AHCY: variants seen among roughly 807,000 people sequenced by gnomAD.
AHCY encodes the protein S-adenosyl-L-homocysteine hydrolase.
In AHCY, 24 loss-of-function variants were observed where a neutral mutation model predicts 45.4. That is an observed-to-expected ratio of 0.53 (90% confidence interval 0.38 to 0.74). The LOEUF (loss-of-function observed/expected upper bound fraction) is 0.74. AHCY is among the 30% of genes least tolerant of loss of function. The pLI is 0.00. For missense variants in AHCY, 449 were observed against 594.1 expected, an observed-to-expected ratio of 0.76 and a Z score of 2.54; for synonymous variants, 245 against 235.1, an observed-to-expected ratio of 1.04 and a Z score of -0.39.
At chr20:34,286,086 C>T (rs998257064) in intron 8 of AHCY, 32 of 209,566 alleles carry the variant, frequency 1.5e-4, no homozygotes, top group Middle Eastern at 1.9e-3. Context: ...GCCTGGGCGA[C>T]GGAGCGAGAC....
At chr20:34,235,867 A>AGG in the AHCY span, among the ~76,000 whole-genome samples, 1 of 27,058 alleles carries the variant, frequency 3.7e-5, no homozygotes, top group East Asian at 1.2e-3. Context: ...GAAGGAAGGA[A>AGG]AGGAAGGAAG....
At chr20:34,301,209 G>A (rs1260942207) in intron 1 of AHCY, among the ~76,000 whole-genome samples, 1 of 152,154 alleles carries the variant, frequency 6.6e-6, no homozygotes, top group African/African-American at 2.4e-5. Flanking sequence ...CTAGAGCAGA[G>A]GCCCCTCTCA....
the AHCY span, among the ~76,000 whole-genome samples, chr20:34,247,020 T>A: frequency 1.3e-5 from 2 of 149,812 alleles, no homozygotes; most frequent in African/African-American, 2.5e-5. Context: ...TTAGACAGGG[T>A]CTCACTCTAT....
At position 34,295,431 on chromosome 20, in the gene AHCY, G is replaced by A. The variant is rs976564315; in HGVS notation, c.183C>T (p.Ala61=). ...AGCLHMTVET[A]VLIETLVTLG... ...GGGTGACGAGGGTCTCAATGAGGAC[G>A]GCCGTCTCCACGGTCATGTGCAGGC... The change falls in exon 2 of 10, where the codon GCC becomes GCT. Residue 61 remains alanine, a synonymous_variant. Transcript: ENST00000217426. The A allele has an allele frequency of 1.1e-5, 17 of 1,613,986 alleles. No individual in the cohort carries two copies. The highest frequency in any genetic ancestry group is 1.3e-5 in the African/African-American group (1 of 74,946).
intron 1 of AHCY, among the ~76,000 whole-genome samples, chr20:34,300,859 G>A (rs559508350): frequency 3.9e-5 from 6 of 152,320 alleles, no homozygotes; most frequent in Non-Finnish European, 5.9e-5. Flanking sequence ...CGTGGAGACA[G>A]ACAAGTGGCA....
the AHCY span, among the ~76,000 whole-genome samples, chr20:34,236,775 C>T: frequency 6.6e-6 from 1 of 152,140 alleles, no homozygotes; most frequent in South Asian, 2.1e-4. Context: ...TTTTGGGAAA[C>T]TCTAGATAAG....
intron 9 of AHCY, chr20:34,281,822 C>T (rs190639459): frequency 3.6e-4 from 58 of 159,750 alleles, no homozygotes; most frequent in Admixed American, 3.2e-3. Flanking sequence ...GCGTGCACCA[C>T]CACGTCCAGC....
At position 34,280,755 on chromosome 20, in the gene AHCY, G is replaced by A; in HGVS notation, c.*279C>T. 1 of 490,570 alleles carries A rather than the reference G, an allele frequency of 2.0e-6. No individual in the cohort carries two copies. The highest frequency in any genetic ancestry group is 3.7e-6 in the Non-Finnish European group (1 of 267,560). The allele number at this position is 490,570 out of a possible 1,614,324, so 30.4% of individuals were successfully genotyped here. On this transcript the variant is annotated 3_prime_UTR_variant, in exon 10 of 10. Coordinates refer to ENST00000217426, the MANE Select transcript of AHCY (RefSeq NM_000687.4). Reference sequence around the variant, plus strand: ...ACTACTGACTTCCAGGCTAAGGAAGGACTGACTTAGTGAGCTGTTCCAAGA... The same window carrying A: ...ACTACTGACTTCCAGGCTAAGGAAGAACTGACTTAGTGAGCTGTTCCAAGA...
chr20:34,301,916 T>C, intron 1 of AHCY: 1 of 985,460 alleles, frequency 1.0e-6, no homozygotes, highest in Non-Finnish European at 1.2e-6. Flanking sequence ...AAGATTATTG[T>C]GTAAACACAC....
chr20:34,278,217 G>A (rs2035926337), downstream of AHCY, among the ~76,000 whole-genome samples: 1 of 152,158 alleles, frequency 6.6e-6, no homozygotes, highest in African/African-American at 2.4e-5. Context: ...GAGGGGCTGT[G>A]TTTTCTGAAA....
downstream of AHCY, among the ~76,000 whole-genome samples, chr20:34,277,388 T>C (rs2035917733): frequency 6.6e-6 from 1 of 152,262 alleles, no homozygotes; most frequent in East Asian, 1.9e-4. Flanking sequence ...ATGACTTCTC[T>C]AATTTTCTAA....
chr20:34,235,881 G>T, the AHCY span, among the ~76,000 whole-genome samples: 1 of 98,596 alleles, frequency 1.0e-5, no homozygotes, highest in African/African-American at 5.5e-5. Flanking sequence ...AAGGAAGGAA[G>T]GAAGGAAGGA....
chr20:34,295,615 G>T (rs1041651070), intron 1 of AHCY, 30 bp from the exon 2 acceptor site: 2 of 1,608,640 alleles, frequency 1.2e-6, no homozygotes, highest in Non-Finnish European at 1.7e-6. Flanking sequence ...GGAGTTCCGT[G>T]AGTCCCCTCA....
the AHCY span, among the ~76,000 whole-genome samples, chr20:34,257,402 ATT>A: frequency 6.6e-6 from 1 of 152,124 alleles, no homozygotes; most frequent in African/African-American, 2.4e-5. Flanking sequence ...TTTATTTCTA[ATT>A]TGCCTTCCTA....
chr20:34,269,954 A>T, the AHCY span, among the ~76,000 whole-genome samples: 4 of 65,674 alleles, frequency 6.1e-5, no homozygotes, highest in African/African-American at 1.9e-4. Flanking sequence ...CTTAAAAAAA[A>T]AAAAAAAAAA....
intron 9 of AHCY, among the ~76,000 whole-genome samples, chr20:34,284,674 T>G (rs1050125139): frequency 6.6e-6 from 1 of 152,012 alleles, no homozygotes; most frequent in African/African-American, 2.4e-5. Context: ...TACAAAAAAA[T>G]TAGCCAAGTG....
At chr20:34,279,468 G>A (rs1329969852), downstream of AHCY, among the ~76,000 whole-genome samples, 1 of 151,730 alleles carries the variant, frequency 6.6e-6, no homozygotes, top group African/African-American at 2.4e-5. Flanking sequence ...CACCATGCCT[G>A]TCACCCAAGT....
intron 2 of AHCY, 171 bp downstream of exon 2, chr20:34,295,224 C>T: frequency 1.2e-6 from 1 of 833,488 alleles, no homozygotes; most frequent in East Asian, 2.6e-5. Context: ...ACACTCACCA[C>T]AAGGGGTGGC....
the AHCY span, among the ~76,000 whole-genome samples, chr20:34,244,478 C>T: frequency 6.6e-6 from 1 of 152,150 alleles, no homozygotes; most frequent in Non-Finnish European, 1.5e-5. Context: ...GAGGTGCCCG[C>T]CTTTGACATT....
Sources: gnomAD v4.1 joint callset for allele counts (sites outside exome capture counted in the v4.1 genomes callset) on GRCh38, gnomAD v4.1.1 for gene constraint, MANE v1.5 for transcripts, NCBI Gene and HGNC (gene_info 2026-07-23, HGNC 2026-07-21) for gene names.